The following DES variants were observed in gnomAD, a reference collection of about 807,000 sequenced individuals.
The protein encoded by DES is desmin.
Under a neutral mutation model 55.1 loss-of-function variants are expected in DES, and 34 were observed. The observed-to-expected ratio is 0.62, with a 90% CI of 0.47 to 0.82. The LOEUF (loss-of-function observed/expected upper bound fraction) is 0.82. Ranked by LOEUF, DES falls within the 40% of genes least tolerant of loss-of-function variation. The pLI, the probability that DES is intolerant of heterozygous loss-of-function variation, is 0.00. For missense variants in DES, 596 were observed against 645.9 expected, an observed-to-expected ratio of 0.92 and a Z score of 0.84; for synonymous variants, 259 against 270.8, an observed-to-expected ratio of 0.96 and a Z score of 0.43.
At position 219,420,513 on chromosome 2, in the gene DES, G is replaced by A; in HGVS notation, c.754G>A (p.Ala252Thr). The change falls in exon 4 of 9, where the codon GCT becomes ACT. Residue 252 changes from alanine to threonine, a missense_variant. Transcript: ENST00000373960. This position sits in a 1 kb window ranked among gnomAD's most constrained non-coding sequence, Gnocchi z 6.0. ...CCTACAGGAGATCCGTGAGTTGCAG[G>A]CTCAGCTTCAGGAACAGCAGGTCCA... ...VHEEEIRELQ[A>T]QLQEQQVQVE... 1.2e-6 allele frequency: 2 copies of A among 1,613,966 alleles called. No homozygotes were observed. The highest frequency in any genetic ancestry group is 1.7e-6 in the Non-Finnish European group (2 of 1,180,008).
chr2:219,420,326 C>T lies in DES; in HGVS notation c.715C>T (p.Leu239Phe). The change falls in exon 3 of 9, where the codon CTT becomes TTT. Residue 239 changes from leucine (L) to phenylalanine (F), a missense_variant. Leu to Phe is a conservative substitution (Grantham distance 22, BLOSUM62 0). Transcript: ENST00000373960. The surrounding 1 kb of genome is among the most constrained non-coding windows in gnomAD (Gnocchi z 6.0). ...IESLNEEIAF[L>F]KKVHEEEIRE... ...ATCTCTCAACGAGGAGATCGCGTTC[C>T]TTAAGAAAGTGCATGAAGAGGTATA... 1.2e-6 allele frequency: 2 copies of T among 1,614,092 alleles called. No individual in the cohort carries two copies. Among genetic ancestry groups the T allele is most frequent in the Non-Finnish European group, 1.7e-6 (2 of 1,180,040 alleles).
rs914034164 is a variant in DES at position 219,419,188 on chromosome 2, T to C, written c.578+148T>C. 4 of 1,453,516 alleles carry C rather than the reference T, an allele frequency of 2.8e-6. No individual in the cohort carries two copies. The Admixed American group carries it at 7.4e-5, about 27-fold the overall frequency. The allele number at this position is 1,453,516 out of a possible 1,614,324, so 90.0% of individuals were successfully genotyped here. On this transcript the variant is annotated intron_variant, in intron 1 of 8. Coordinates refer to ENST00000373960, the MANE Select transcript of DES (RefSeq NM_001927.4). This position sits in a 1 kb window ranked among gnomAD's most constrained non-coding sequence, Gnocchi z 4.3. The stretch of plus-strand genomic sequence containing the variant: ...ATGTGGAGAAAGGGTCCTCCACCTG[T>C]GTGTTTCAAGGGGCCGTGACCTCCA...
At position 219,422,463 on chromosome 2, in the gene DES, C is replaced by CTTTTTTTT. The variant is rs71040455; in HGVS notation, c.1244+915_1244+922dup. The stretch of plus-strand genomic sequence containing the variant: ...GTGGGATAACAGAAATGTTCTATAT[C>CTTTTTTTT]TTTTTTTTTTTTTTTTTTTGAGACA... On this transcript the variant is annotated intron_variant, in intron 6 of 8. Transcript: ENST00000373960. Among the ~76,000 whole-genome samples the CTTTTTTTT allele has an allele frequency of 8.1e-4, 84 of 103,496 alleles. 10 individuals carry two copies. The highest frequency in any genetic ancestry group is 2.3e-3 in the African/African-American group (57 of 25,080). The allele number at this position is 103,496 out of a possible 152,430, so 67.9% of individuals were successfully genotyped here.
intron 6 of DES, 105 bp from the exon 7 acceptor site, chr2:219,423,672 C>G: frequency 2.7e-6 from 3 of 1,092,754 alleles, no homozygotes; most frequent in Admixed American, 3.4e-5. Flanking sequence ...ATCTCCTGAC[C>G]TGGTGATCCG....
At chr2:219,424,012 C>G (rs890536837) in intron 7 of DES, among the ~76,000 whole-genome samples, 192 bp downstream of exon 7, 1 of 152,212 alleles carries the variant, frequency 6.6e-6, no homozygotes, top group African/African-American at 2.4e-5. Context: ...CAACTTATGA[C>G]AGAGAGAGCT....
At chr2:219,423,868 TC>T in intron 7 of DES, 48 bp downstream of exon 7, 1 of 1,603,114 alleles carries the variant, frequency 6.2e-7, no homozygotes, top group Non-Finnish European at 8.5e-7. Flanking sequence ...GGGCCAGGAG[TC>T]CAGCATGGGC....
chr2:219,421,669 ATTTTT>A, intron 6 of DES, 109 bp downstream of exon 6: 1 of 826,588 alleles, frequency 1.2e-6, no homozygotes, highest in Non-Finnish European at 1.8e-6. Context: ...CCTGGAAACA[ATTTTT>A]TTTTTTTTTG....
rs151226355 is a variant in DES, at chr2:219,420,366, C to T, written c.735+20C>T. On this transcript the variant is annotated intron_variant, in intron 3 of 8. Transcript: ENST00000373960. The surrounding 1 kb of genome is among the most constrained non-coding windows in gnomAD (Gnocchi z 6.0). ...GAAGAGGTATACCTTGGCCCCTCTTCCTGGGGTCACTGGGCCATGGGGAAA... is the reference window on the plus strand; with the variant it reads ...GAAGAGGTATACCTTGGCCCCTCTTTCTGGGGTCACTGGGCCATGGGGAAA... 14,693 of 1,613,330 alleles carry T rather than the reference C, an allele frequency of 9.1e-3. 108 individuals carry two copies. The highest frequency in any genetic ancestry group is 0.039 in the Middle Eastern group (238 of 6,032).
intron 6 of DES, among the ~76,000 whole-genome samples, chr2:219,421,872 G>C (rs528728713): frequency 2.6e-5 from 4 of 152,010 alleles, no homozygotes; most frequent in African/African-American, 9.7e-5. Flanking sequence ...TCACTATGTT[G>C]GGCAGCTGGT....
At chr2:219,421,043 C>G in intron 5 of DES, 90 bp downstream of exon 5, 1 of 1,522,512 alleles carries the variant, frequency 6.6e-7, no homozygotes, top group East Asian at 2.4e-5. Flanking sequence ...CATAGATCCT[C>G]TCTGGGCCTT....
Position 219,420,238 on chromosome 2 carries a change from T to A in DES, c.640-13T>A. On this transcript the variant is annotated splice_polypyrimidine_tract_variant and intron_variant, in intron 2 of 8. Transcript: ENST00000373960. The surrounding 1 kb of genome is among the most constrained non-coding windows in gnomAD (Gnocchi z 6.0). ...TGGCGGTGACCATGTCCTTCTCGCT[T>A]GGCCTCTCCCAGGACGTGGATGCAG... The A allele has an allele frequency of 3.7e-6, 6 of 1,614,196 alleles. No homozygotes were observed. Among genetic ancestry groups the A allele is most frequent in the Non-Finnish European group, 5.1e-6 (6 of 1,180,012 alleles).
chr2:219,423,736 G>A (rs1954485246), intron 6 of DES, 41 bp from the exon 7 acceptor site: 1 of 1,605,384 alleles, frequency 6.2e-7, no homozygotes, highest in Non-Finnish European at 8.5e-7. Context: ...GCCGATGGGA[G>A]GGTTCTTAAC....
In DES at chr2:219,420,370, G is replaced by C. The variant is rs1954415051; in HGVS notation, c.735+24G>C. Reference sequence around the variant, plus strand: ...AGGTATACCTTGGCCCCTCTTCCTGGGGTCACTGGGCCATGGGGAAAGCAG... The same window carrying C: ...AGGTATACCTTGGCCCCTCTTCCTGCGGTCACTGGGCCATGGGGAAAGCAG... On this transcript the variant is annotated intron_variant, in intron 3 of 8. Transcript: ENST00000373960. The surrounding 1 kb of genome is among the most constrained non-coding windows in gnomAD (Gnocchi z 6.0). 1.2e-6 allele frequency: 2 copies of C among 1,613,020 alleles called. No homozygotes were observed. Among genetic ancestry groups the C allele is most frequent in the African/African-American group, 2.7e-5 (2 of 74,908 alleles).
Position 219,419,995 on chromosome 2 carries a change from G to C in DES, c.579-100G>C, listed in dbSNP as rs2666106. ...CTCTACCCAGCAGCCAGGCCCTCCC[G>C]CTCTGTCCTGGACCCACCCCCTGGT... On this transcript the variant is annotated intron_variant, in intron 1 of 8. Transcript: ENST00000373960. This position sits in a 1 kb window ranked among gnomAD's most constrained non-coding sequence, Gnocchi z 4.3. The C allele has an allele frequency of 1, 1,296,577 of 1,298,598 alleles. 647,297 individuals carry two copies. Among genetic ancestry groups the C allele is most frequent in the East Asian group, 1 (43,096 of 43,096 alleles). 80.4% of individuals were successfully genotyped at this position (1,298,598 alleles called of 1,614,324 possible).
At chr2:219,425,337 G>A (rs549276178) in intron 7 of DES, 3 of 388,800 alleles carry the variant, frequency 7.7e-6, no homozygotes, top group African/African-American at 4.1e-5. Context: ...GGGTGGAGAG[G>A]AACTAGGAGG....
Position 219,420,546 on chromosome 2 carries a change from A to C in DES, c.787A>C (p.Met263Leu). 6.2e-7 allele frequency: 1 copy of C among 1,613,902 alleles called. No homozygotes were observed. ...QLQEQQVQVE[M>L]DMSKPDLTAA... is the part of the protein sequence containing the mutation. Reference sequence around the variant, plus strand: ...TCAGGAACAGCAGGTCCAGGTGGAGATGGACATGTCTAAGCCAGACCTCAC... The same window carrying C: ...TCAGGAACAGCAGGTCCAGGTGGAGCTGGACATGTCTAAGCCAGACCTCAC... The change falls in exon 4 of 9, where the codon ATG (methionine) becomes CTG (leucine). Residue 263 changes from methionine to leucine, a missense_variant. By Grantham distance (15) the Met-to-Leu change is conservative. Coordinates refer to ENST00000373960, the MANE Select transcript of DES (RefSeq NM_001927.4). This position sits in a 1 kb window ranked among gnomAD's most constrained non-coding sequence, Gnocchi z 6.0.
In DES at chr2:219,426,041, C is replaced by A. The variant is rs372291142; in HGVS notation, c.*51C>A. 411 of 1,602,076 alleles carry A rather than the reference C, an allele frequency of 2.6e-4. No homozygotes were observed. The highest frequency in any genetic ancestry group is 4.9e-4 in the Middle Eastern group (3 of 6,078). Reference sequence around the variant, plus strand: ...ACCGTCCTCACCCCTGTCCTCACTGCTCCCTGAAGCCAGCCTTCTTCCATC... The same window carrying A: ...ACCGTCCTCACCCCTGTCCTCACTGATCCCTGAAGCCAGCCTTCTTCCATC... On this transcript the variant is annotated 3_prime_UTR_variant, in exon 9 of 9. Coordinates refer to ENST00000373960, the MANE Select transcript of DES (RefSeq NM_001927.4). The surrounding 1 kb of genome is among the most constrained non-coding windows in gnomAD (Gnocchi z 4.5).
rs2125167091 is a variant in DES at position 219,419,740 on chromosome 2, C to T, written c.579-355C>T. ...TGACAGGCCAAGTGAGCACAGTCAC[C>T]CTCCTGCCACCAAAGTCATAAATAT... is the stretch of plus-strand genomic sequence containing the variant. On this transcript the variant is annotated intron_variant, in intron 1 of 8. Transcript: ENST00000373960. The surrounding 1 kb of genome is among the most constrained non-coding windows in gnomAD (Gnocchi z 4.3). Among the ~76,000 whole-genome samples, 1 of 152,288 alleles carries T rather than the reference C, an allele frequency of 6.6e-6. No individual in the cohort carries two copies. Among genetic ancestry groups the T allele is most frequent in the Non-Finnish European group, 1.5e-5 (1 of 68,024 alleles).
intron 6 of DES, among the ~76,000 whole-genome samples, 196 bp from the exon 7 acceptor site, chr2:219,423,581 A>T (rs975393241): frequency 2.0e-5 from 3 of 151,716 alleles, no homozygotes; most frequent in African/African-American, 7.3e-5. Flanking sequence ...CTGGAACTAC[A>T]GGTGCCCGCC....
Sources: allele counts gnomAD v4.1 joint callset (sites outside exome capture counted in the v4.1 genomes callset), GRCh38; gene constraint gnomAD v4.1.1; non-coding constraint Gnocchi (gnomAD v3.1); transcripts MANE v1.5; gene names NCBI Gene and HGNC (gene_info 2026-07-23, HGNC 2026-07-21).